ALKAL1: variants seen among roughly 807,000 people sequenced by gnomAD.
The protein encoded by ALKAL1 is AUG-beta.
A neutral mutation model predicts 13.5 loss-of-function variants in ALKAL1; 23 were observed. That is an observed-to-expected ratio of 1.70 (90% CI 1.23 to 2.41). The LOEUF is 2.41. ALKAL1 is among the 30% of genes most tolerant of loss of function. The pLI is 0.00. For synonymous variants in ALKAL1, 85 were observed against 77.7 expected (o/e 1.09, Z -0.49); for missense variants, 181 against 178.4 (o/e 1.01, Z -0.08).
chr8:52,561,734 C>T (rs1460800634), intron 1 of ALKAL1, among the ~76,000 whole-genome samples: 1 of 152,174 alleles, frequency 6.6e-6, no homozygotes, highest in East Asian at 1.9e-4. Flanking sequence ...ATAACCTCAT[C>T]AAAACCCCTT....
At chr8:52,550,254 T>G (rs1306912688) in intron 1 of ALKAL1, among the ~76,000 whole-genome samples, 1 of 152,202 alleles carries the variant, frequency 6.6e-6, no homozygotes, top group Non-Finnish European at 1.5e-5. Flanking sequence ...TCAAATTGGT[T>G]GCTTATTATC....
intron 1 of ALKAL1, among the ~76,000 whole-genome samples, chr8:52,542,877 T>C (rs1045626641): frequency 1.3e-5 from 2 of 152,240 alleles, no homozygotes; most frequent in Admixed American, 6.5e-5. Context: ...CAACAAATTA[T>C]TCCAGACCCA....
chr8:52,558,284 G>A (rs904834360), intron 1 of ALKAL1, among the ~76,000 whole-genome samples: 12 of 140,930 alleles, frequency 8.5e-5, no homozygotes, highest in African/African-American at 2.9e-4. Context: ...GGAGGTAGAG[G>A]CTGCAGTGAG....
chr8:52,546,075 A>C, intron 1 of ALKAL1, among the ~76,000 whole-genome samples: 1 of 152,230 alleles, frequency 6.6e-6, no homozygotes, highest in Non-Finnish European at 1.5e-5. Context: ...ATAGAAAAGG[A>C]ATAGTAAAAA....
chr8:52,542,879 C>T (rs1847328085), intron 1 of ALKAL1, among the ~76,000 whole-genome samples: 1 of 152,220 alleles, frequency 6.6e-6, no homozygotes, highest in African/African-American at 2.4e-5. Flanking sequence ...ACAAATTATT[C>T]CAGACCCACT....
At chr8:52,537,616 T>C (rs901747371) in intron 4 of ALKAL1, among the ~76,000 whole-genome samples, 3 of 152,264 alleles carry the variant, frequency 2.0e-5, no homozygotes, top group East Asian at 3.9e-4. Context: ...AATGTGTATA[T>C]ACACAACGGA....
At chr8:52,555,319 T>C (rs1190675067) in intron 1 of ALKAL1, among the ~76,000 whole-genome samples, 1 of 152,112 alleles carries the variant, frequency 6.6e-6, no homozygotes, top group East Asian at 1.9e-4. Context: ...GTGAGCTGTA[T>C]TAACCATGCA....
intron 1 of ALKAL1, among the ~76,000 whole-genome samples, chr8:52,542,653 G>T (rs1409356562): frequency 6.6e-6 from 1 of 152,144 alleles, no homozygotes; most frequent in African/African-American, 2.4e-5. Flanking sequence ...ACGGCATGAA[G>T]GGTACCTTAC....
chr8:52,537,045 C>T (rs1469833867), intron 4 of ALKAL1, among the ~76,000 whole-genome samples: 1 of 152,082 alleles, frequency 6.6e-6, no homozygotes, highest in African/African-American at 2.4e-5. Context: ...GAAGAGACAA[C>T]ATGTAGAATG....
At chr8:52,542,008 T>C (rs1847318280) in intron 2 of ALKAL1, among the ~76,000 whole-genome samples, 1 of 152,112 alleles carries the variant, frequency 6.6e-6, no homozygotes, top group South Asian at 2.1e-4. Flanking sequence ...TGTGCACACC[T>C]GTCCTTGCCT....
At chr8:52,536,377 T>C (rs1847267337) in intron 4 of ALKAL1, among the ~76,000 whole-genome samples, 1 of 152,216 alleles carries the variant, frequency 6.6e-6, no homozygotes, top group African/African-American at 2.4e-5. Flanking sequence ...ATTAAAGAAA[T>C]ATTTGAAAAG....
At chr8:52,535,677 T>TA (rs1281846730) in intron 4 of ALKAL1, among the ~76,000 whole-genome samples, 2 of 151,698 alleles carry the variant, frequency 1.3e-5, no homozygotes, top group Non-Finnish European at 2.9e-5. Context: ...TTTCTTAATC[T>TA]AAAAAAAATT....
intron 1 of ALKAL1, among the ~76,000 whole-genome samples, chr8:52,548,311 C>T (rs1405573217): frequency 6.6e-6 from 1 of 151,652 alleles, no homozygotes; most frequent in East Asian, 1.9e-4. Flanking sequence ...AGATCGTGCA[C>T]TCCAGCCTGG....
chr8:52,549,399 T>G (rs1192867418), intron 1 of ALKAL1, among the ~76,000 whole-genome samples: 1 of 150,764 alleles, frequency 6.6e-6, no homozygotes, highest in Non-Finnish European at 1.5e-5. Flanking sequence ...AAATTCAAAT[T>G]TGTAAAATAT....
rs115355877 is a variant in ALKAL1 at position 52,551,142 on chromosome 8, T to C, written c.191-8697A>G. 5.0e-3 allele frequency among the ~76,000 whole-genome samples: 769 copies of C among 152,336 alleles called. 7 individuals are homozygous for C. Among genetic ancestry groups the C allele is most frequent in the African/African-American group, 0.018 (742 of 41,578 alleles). On this transcript the variant is annotated intron_variant, in intron 1 of 4. Coordinates refer to ENST00000358543, the MANE Select transcript of ALKAL1 (RefSeq NM_207413.4). ...TTACAAAATTTCAATGGGGCATAAC[T>C]TTTATATAAATAAATATATTCTGTA...
intron 1 of ALKAL1, among the ~76,000 whole-genome samples, chr8:52,553,207 G>A (rs929375338): frequency 2.6e-5 from 4 of 152,076 alleles, no homozygotes; most frequent in Admixed American, 2.6e-4. Flanking sequence ...AATGAGCTGA[G>A]CATGGTGGTG....
At chr8:52,555,093 C>G (rs1452022362) in intron 1 of ALKAL1, among the ~76,000 whole-genome samples, 1 of 151,652 alleles carries the variant, frequency 6.6e-6, no homozygotes, top group Non-Finnish European at 1.5e-5. Flanking sequence ...ATGGTGTGAA[C>G]CTGGGAGGCG....
chr8:52,534,682 A>C, intron 4 of ALKAL1, 82 bp from the exon 5 acceptor site: 1 of 488,770 alleles, frequency 2.0e-6, no homozygotes, highest in Non-Finnish European at 3.6e-6. Flanking sequence ...CAACAGTTTT[A>C]TTTTGCTTAA....
chr8:52,558,347 CAAAAAAAAAAAAAAA>C lies in ALKAL1; in HGVS notation c.190+6705_190+6719del, dbSNP rs398007812. ...TGGGTGACAGAGTCAGACTCCATCT[CAAAAAAAAAAAAAAA>C]AAAAAAAAAAAGTTCAGAATGGGGC... is the stretch of plus-strand genomic sequence containing the variant. On this transcript the variant is annotated intron_variant, in intron 1 of 4. Coordinates refer to ENST00000358543, the MANE Select transcript of ALKAL1 (RefSeq NM_207413.4). 1.2e-3 allele frequency among the ~76,000 whole-genome samples: 23 copies of C among 18,878 alleles called. 1 individual carries two copies. The South Asian group carries it at 0.062, about 51-fold the overall frequency. The allele number at this position is 18,878 out of a possible 152,430, so 12.4% of individuals were successfully genotyped here. A position where few individuals can be genotyped will look rare whatever the true frequency, so the allele number is the denominator to read the frequency against.
Sources: gnomAD v4.1 joint callset for allele counts (sites outside exome capture counted in the v4.1 genomes callset) on GRCh38, gnomAD v4.1.1 for gene constraint, MANE v1.5 for transcripts, NCBI Gene and HGNC (gene_info 2026-07-23, HGNC 2026-07-21) for gene names.